Variants in BBS5 observed in about 807,000 individuals in gnomAD.
BBS5 encodes BBSome complex member BBS5.
BBS5 carries 39 observed loss-of-function variants against 50.2 expected under a neutral mutation model. The ratio of observed to expected loss-of-function variants is 0.78; its 90% CI spans 0.60 to 1.01. The LOEUF is 1.01. Among genes scored for constraint, BBS5 ranks in the 50% least tolerant of loss-of-function variants. The pLI is 0.00. For missense variants in BBS5, 356 were observed against 401.5 expected (o/e 0.89, Z 0.97); for synonymous variants, 134 against 133.1 (o/e 1.01, Z -0.05).
chr2:169,482,988 A>C (rs1003363108), intron 2 of BBS5, among the ~76,000 whole-genome samples: 23 of 151,996 alleles, frequency 1.5e-4, no homozygotes, highest in Non-Finnish European at 3.1e-4. Flanking sequence ...CTTCCAAGGA[A>C]AAAAAAATAG....
chr2:169,502,283 G>C (rs1212180564), intron 9 of BBS5, among the ~76,000 whole-genome samples: 1 of 152,056 alleles, frequency 6.6e-6, no homozygotes, highest in Non-Finnish European at 1.5e-5. Context: ...CAACAATACT[G>C]TGAGGCATAT....
chr2:169,499,668 C>A, intron 9 of BBS5, 48 bp downstream of exon 9: 2 of 1,582,586 alleles, frequency 1.3e-6, no homozygotes, highest in South Asian at 1.1e-5. Flanking sequence ...TTTATGCAGT[C>A]TATAAAATTC....
chr2:169,491,958 G>A (rs1362143619), intron 5 of BBS5, among the ~76,000 whole-genome samples: 2 of 151,804 alleles, frequency 1.3e-5, no homozygotes, highest in Non-Finnish European at 2.9e-5. Flanking sequence ...CACCACACCC[G>A]GCTAATTCTT....
chr2:169,504,134 G>A (rs1683857899), intron 10 of BBS5, among the ~76,000 whole-genome samples, 169 bp from the exon 11 acceptor site: 1 of 152,078 alleles, frequency 6.6e-6, no homozygotes, highest in Non-Finnish European at 1.5e-5. Context: ...TGAACAGAGT[G>A]AATTCTGCTA....
chr2:169,486,539 T>C (rs573244788), intron 2 of BBS5, among the ~76,000 whole-genome samples: 1 of 152,324 alleles, frequency 6.6e-6, no homozygotes, highest in Admixed American at 6.5e-5. Flanking sequence ...TAAATAGACT[T>C]CAGCCTGACC....
At chr2:169,500,287 T>C (rs1007623985) in intron 9 of BBS5, among the ~76,000 whole-genome samples, 1 of 152,194 alleles carries the variant, frequency 6.6e-6, no homozygotes, top group African/African-American at 2.4e-5. Context: ...GTCCTTACTG[T>C]CCACTCTATC....
At chr2:169,499,410 G>A in intron 8 of BBS5, 76 bp from the exon 9 acceptor site, 1 of 1,411,728 alleles carries the variant, frequency 7.1e-7, no homozygotes, top group Non-Finnish European at 9.8e-7. Context: ...GACAAATTGA[G>A]CTATAATTTA....
At position 169,488,049 on chromosome 2, in the gene BBS5, A is replaced by C; in HGVS notation, c.321A>C (p.Glu107Asp). Residue 107 changes from glutamate (E) to aspartate (D), a missense_variant, in exon 5 of 12, where the codon GAA (glutamate) becomes GAC (aspartate). Transcript: ENST00000295240. ...ILTKCNSTRF[E>D]FIFTNLVPGS... The stretch of plus-strand genomic sequence containing the variant: ...CAAAATGTAACAGTACTCGTTTTGA[A>C]TTTATATTTACAAATTTGGTTCCTG... 6.2e-7 allele frequency: 1 copy of C among 1,613,638 alleles called. No individual in the cohort carries two copies. The highest frequency in any genetic ancestry group is 1.1e-5 in the South Asian group (1 of 91,064).
At chr2:169,493,095 C>A in intron 6 of BBS5, 86 bp downstream of exon 6, 4 of 1,478,934 alleles carry the variant, frequency 2.7e-6, no homozygotes, top group Non-Finnish European at 3.8e-6. Context: ...ATAGTCAATT[C>A]TAATTGTTAA....
At position 169,505,046 on chromosome 2, in the gene BBS5, A is replaced by G. The variant is rs868109795; in HGVS notation, c.*464A>G. 2.0e-5 allele frequency: 30 copies of G among 1,493,122 alleles called. No individual in the cohort carries two copies. In the African/African-American group the frequency reaches 3.0e-4, roughly 15 times the overall value. 92.5% of individuals were successfully genotyped at this position (1,493,122 alleles called of 1,614,324 possible). A position where few individuals can be genotyped will look rare whatever the true frequency, so the allele number is the denominator to read the frequency against. On this transcript the variant is annotated 3_prime_UTR_variant, in exon 12 of 12. Transcript: ENST00000295240. The stretch of plus-strand genomic sequence containing the variant: ...CTGCTGCCATCTCTGGCTCACTGCA[A>G]CCTCCCTGCCTGATTCTCCTGCCTC...
At chr2:169,482,554 T>A (rs1683416404) in intron 2 of BBS5, 1 of 509,024 alleles carries the variant, frequency 2.0e-6, no homozygotes, top group Non-Finnish European at 3.5e-6. Context: ...ACATCACCTT[T>A]ATCCATTGTA....
chr2:169,503,964 C>T (rs1036924996), intron 10 of BBS5, among the ~76,000 whole-genome samples: 5 of 152,136 alleles, frequency 3.3e-5, no homozygotes, highest in African/African-American at 7.2e-5. Context: ...AATTGTATAG[C>T]TTCTAAGTCA....
At chr2:169,497,129 A>C (rs1316645954) in intron 7 of BBS5, among the ~76,000 whole-genome samples, 4 of 152,136 alleles carry the variant, frequency 2.6e-5, no homozygotes, top group African/African-American at 7.2e-5. Context: ...AGATCAGCCT[A>C]GGCAGCATAG....
At position 169,506,491 on chromosome 2, in the gene BBS5, A is replaced by T. The variant is rs1388441758; in HGVS notation, c.*1909A>T. On this transcript the variant is annotated 3_prime_UTR_variant, in exon 12 of 12. Coordinates refer to ENST00000295240, the MANE Select transcript of BBS5 (RefSeq NM_152384.3). Reference sequence around the variant, plus strand: ...CTTACCCTAAAACTTAAAGTATAATAAAAAAAAAAAAACTTCAGTTTTCTA... The same window carrying T: ...CTTACCCTAAAACTTAAAGTATAATTAAAAAAAAAAAACTTCAGTTTTCTA... 1 of 100,256 alleles carries T rather than the reference A, an allele frequency of 1.0e-5. No homozygotes were observed. Among genetic ancestry groups the T allele is most frequent in the African/African-American group, 3.5e-5 (1 of 28,686 alleles). 6.2% of individuals were successfully genotyped at this position (100,256 alleles called of 1,614,324 possible).
intron 3 of BBS5, 127 bp from the exon 4 acceptor site, chr2:169,487,679 A>C (rs1441623344): frequency 1.3e-5 from 8 of 605,752 alleles, no homozygotes; most frequent in Non-Finnish European, 2.2e-5. Flanking sequence ...AACTTTTAAA[A>C]GTTTATTTCT....
chr2:169,495,920 G>A (rs2105299304), intron 7 of BBS5, among the ~76,000 whole-genome samples: 1 of 152,264 alleles, frequency 6.6e-6, no homozygotes, highest in Non-Finnish European at 1.5e-5. Context: ...AGCCTATATA[G>A]GCGTGAGCCC....
chr2:169,495,680 G>T (rs990235737), intron 7 of BBS5, among the ~76,000 whole-genome samples: 2 of 152,070 alleles, frequency 1.3e-5, no homozygotes, highest in Non-Finnish European at 2.9e-5. Flanking sequence ...TTTTAGACAG[G>T]GGTCTCACTC....
intron 7 of BBS5, among the ~76,000 whole-genome samples, chr2:169,494,764 C>A (rs963711426): frequency 1.3e-5 from 2 of 152,002 alleles, no homozygotes; most frequent in African/African-American, 4.8e-5. Flanking sequence ...TTAGATGGAA[C>A]ATAAAAATAG....
At chr2:169,485,284 T>C (rs963896045) in intron 2 of BBS5, among the ~76,000 whole-genome samples, 9 of 152,238 alleles carry the variant, frequency 5.9e-5, no homozygotes, top group Non-Finnish European at 1.2e-4. Flanking sequence ...GAATGTTTAT[T>C]GACAGTCACT....
Sources: allele counts gnomAD v4.1 joint callset (sites outside exome capture counted in the v4.1 genomes callset), GRCh38; gene constraint gnomAD v4.1.1; transcripts MANE v1.5; gene names NCBI Gene and HGNC (gene_info 2026-07-23, HGNC 2026-07-21).